The following ARHGAP44 variants were observed in gnomAD, a reference collection of about 807,000 sequenced individuals.
ARHGAP44 encodes the protein Rho GTPase activating protein 44, also known as rho GTPase-activating protein 44.
In ARHGAP44, 43 loss-of-function variants were observed where a neutral mutation model predicts 106.8. The observed-to-expected ratio is 0.40, with a 90% CI of 0.32 to 0.52. The LOEUF (loss-of-function observed/expected upper bound fraction) is 0.52. Among genes scored for constraint, ARHGAP44 ranks in the 20% least tolerant of loss-of-function variants. The pLI, the probability that ARHGAP44 is intolerant of heterozygous loss-of-function variation, is 0.48. For missense variants in ARHGAP44, 866 were observed against 1,050.5 expected, an observed-to-expected ratio of 0.82 and a Z score of 2.43; for synonymous variants, 439 against 410.3, an observed-to-expected ratio of 1.07 and a Z score of -0.85.
chr17:12,953,575 A>G (rs932009133), intron 13 of ARHGAP44, among the ~76,000 whole-genome samples: 6 of 152,246 alleles, frequency 3.9e-5, no homozygotes, highest in South Asian at 2.1e-4. Context: ...TCACACTCGT[A>G]TTCGTAGCAG....
At chr17:12,811,087 C>T (rs561968820) in intron 1 of ARHGAP44, among the ~76,000 whole-genome samples, 20 of 152,076 alleles carry the variant, frequency 1.3e-4, no homozygotes, top group Middle Eastern at 3.4e-3. Flanking sequence ...CTGAGACGGG[C>T]GGATCACGAG....
intron 10 of ARHGAP44, among the ~76,000 whole-genome samples, chr17:12,948,932 A>G (rs899468827): frequency 1.3e-5 from 2 of 152,222 alleles, no homozygotes; most frequent in African/African-American, 4.8e-5. Context: ...TGGGGACACA[A>G]CAGTGGGTAA....
chr17:12,806,823 A>G (rs536058603), intron 1 of ARHGAP44, among the ~76,000 whole-genome samples: 1 of 149,184 alleles, frequency 6.7e-6, no homozygotes, highest in East Asian at 2.0e-4. Flanking sequence ...TTATTTGAGC[A>G]TTTAGGGATT....
At chr17:12,896,072 G>T (rs1384880172) in intron 2 of ARHGAP44, among the ~76,000 whole-genome samples, 1 of 144,978 alleles carries the variant, frequency 6.9e-6, no homozygotes, top group East Asian at 2.1e-4. Context: ...TTGGACACAG[G>T]CTGGGGAACA....
chr17:12,939,916 G>T (rs187017884), intron 7 of ARHGAP44, among the ~76,000 whole-genome samples: 119 of 152,298 alleles, frequency 7.8e-4, no homozygotes, highest in African/African-American at 2.8e-3. Context: ...AAGAACTCTT[G>T]AATGATGTTC....
chr17:12,822,346 A>G (rs559067604), intron 1 of ARHGAP44, among the ~76,000 whole-genome samples: 5 of 144,136 alleles, frequency 3.5e-5, no homozygotes, highest in African/African-American at 1.4e-4. Context: ...GTGGACCATA[A>G]AAATCCAGAT....
At chr17:12,896,277 A>G (rs967445142) in intron 2 of ARHGAP44, 130 bp from the exon 3 acceptor site, 5 of 501,322 alleles carry the variant, frequency 1.0e-5, no homozygotes, top group East Asian at 8.3e-5. Flanking sequence ...CAAACAAACA[A>G]AAAAACAAAG....
At position 12,973,172 on chromosome 17, in the gene ARHGAP44, T is replaced by C. The variant is rs550004469; in HGVS notation, c.1524-130T>C. On this transcript the variant is annotated intron_variant, in intron 16 of 20. Transcript: ENST00000379672. ...GACCAACTAAATTGTAATAATTTTA[T>C]AGCACAATAAAAATCCCACCCCAAG... The C allele has an allele frequency of 1.6e-4, 138 of 877,706 alleles. 1 individual carries two copies. The African/African-American group carries it at 2.1e-3, about 13-fold the overall frequency. The allele number at this position is 877,706 out of a possible 1,614,324, so 54.4% of individuals were successfully genotyped here. A position where few individuals can be genotyped will look rare whatever the true frequency, so the allele number is the denominator to read the frequency against.
Position 12,990,137 on chromosome 17 carries a change from A to C in ARHGAP44, c.2423A>C (p.Asp808Ala), listed in dbSNP as rs2040089511. 1 of 1,612,830 alleles carries C rather than the reference A, an allele frequency of 6.2e-7. No homozygotes were observed. Among genetic ancestry groups the C allele is most frequent in the South Asian group, 1.1e-5 (1 of 91,060 alleles). Residue 808 changes from aspartate to alanine, a missense_variant, in exon 21 of 21, where the codon GAC becomes GCC. Around this residue, in one of 2 missense-constraint regions of ARHGAP44, gnomAD observed 418 missense variants for 403.6 expected, o/e 1.04. Coordinates refer to ENST00000379672, the MANE Select transcript of ARHGAP44 (RefSeq NM_014859.6). ...CGACACTCAGTAACTGACAAGAGGG[A>C]CTCGGAGGAGGAGTCTGAGAGCACC... is the stretch of plus-strand genomic sequence containing the variant. ...MRRHSVTDKRDSEEESESTAL is the reference protein window; with the variant it reads ...MRRHSVTDKRASEEESESTAL
chr17:12,972,822 C>T lies in ARHGAP44; in HGVS notation c.1524-480C>T, dbSNP rs183372567. Reference sequence around the variant, plus strand: ...GACTACAGGTGCCTGCCACCACTCCCGGCTAATTTTTTGTATTTTTAGTAG... The same window carrying T: ...GACTACAGGTGCCTGCCACCACTCCTGGCTAATTTTTTGTATTTTTAGTAG... On this transcript the variant is annotated intron_variant, in intron 16 of 20. Coordinates refer to ENST00000379672, the MANE Select transcript of ARHGAP44 (RefSeq NM_014859.6). Among the ~76,000 whole-genome samples, 300 of 151,598 alleles carry T rather than the reference C, an allele frequency of 2.0e-3. 2 individuals carry two copies. The highest frequency in any genetic ancestry group is 0.017 in the Middle Eastern group (5 of 294).
chr17:12,837,560 T>A (rs2035271525), intron 1 of ARHGAP44, among the ~76,000 whole-genome samples: 1 of 151,350 alleles, frequency 6.6e-6, no homozygotes, highest in Non-Finnish European at 1.5e-5. Flanking sequence ...GGAATTAGCC[T>A]GAGAGGAGTA....
At chr17:12,863,486 G>A (rs1165584115) in intron 1 of ARHGAP44, among the ~76,000 whole-genome samples, 1 of 152,124 alleles carries the variant, frequency 6.6e-6, no homozygotes, top group Non-Finnish European at 1.5e-5. Context: ...TTTGCTAAGT[G>A]TATTTTTATA....
intron 19 of ARHGAP44, among the ~76,000 whole-genome samples, 185 bp downstream of exon 19, chr17:12,980,418 TATTTGAC>T (rs2039803165): frequency 6.6e-6 from 1 of 152,230 alleles, no homozygotes; most frequent in Admixed American, 6.5e-5. Flanking sequence ...TCAGTTTACT[TATTTGAC>T]AGGTGGGCTC....
At chr17:12,826,250 G>A (rs1396109014) in intron 1 of ARHGAP44, among the ~76,000 whole-genome samples, 3 of 151,902 alleles carry the variant, frequency 2.0e-5, no homozygotes, top group Non-Finnish European at 4.4e-5. Context: ...TCTCTGATTG[G>A]CCCCAGTGTG....
At chr17:12,962,081 AT>A (rs974247951) in intron 16 of ARHGAP44, among the ~76,000 whole-genome samples, 26 of 126,372 alleles carry the variant, frequency 2.1e-4, no homozygotes, top group South Asian at 8.0e-4. Flanking sequence ...TTAAAAAAAA[AT>A]ATATATATAT....
At chr17:12,963,508 A>AC (rs2039313482) in intron 16 of ARHGAP44, among the ~76,000 whole-genome samples, 1 of 152,194 alleles carries the variant, frequency 6.6e-6, no homozygotes, top group African/African-American at 2.4e-5. Context: ...GGAGTCTTCA[A>AC]CCCAAGTCAG....
At chr17:12,841,029 G>A (rs934386626) in intron 1 of ARHGAP44, among the ~76,000 whole-genome samples, 6 of 152,108 alleles carry the variant, frequency 3.9e-5, no homozygotes, top group Non-Finnish European at 7.3e-5. Context: ...TTCCGTGCCC[G>A]AGGGACGTCT....
Position 12,903,862 on chromosome 17 carries a change from A to C in ARHGAP44, c.199-5035A>C, listed in dbSNP as rs768207549. 5.1e-4 allele frequency among the ~76,000 whole-genome samples: 78 copies of C among 152,170 alleles called. 1 individual carries two copies. Among genetic ancestry groups the C allele is most frequent in the Non-Finnish European group, 1.6e-4 (11 of 68,034 alleles). On this transcript the variant is annotated intron_variant, in intron 3 of 20. Coordinates refer to ENST00000379672, the MANE Select transcript of ARHGAP44 (RefSeq NM_014859.6). ...GCGACCAAAGTTTGAGGGAGAGAGC[A>C]AACAGTATCTTAGTTAGAGGCAATC...
rs564649768 is a variant in ARHGAP44, at chr17:12,932,622, T to A, written c.582+3576T>A. ...CTTCTTTAATTTTATGTTAATGTTT[T>A]AAATTCATGTTATACACCTATTTTA... On this transcript the variant is annotated intron_variant, in intron 7 of 20. Transcript: ENST00000379672. Among the ~76,000 whole-genome samples the A allele has an allele frequency of 1.6e-3, 238 of 152,316 alleles. 1 individual carries two copies. Among genetic ancestry groups the A allele is most frequent in the Non-Finnish European group, 2.9e-3 (194 of 68,032 alleles).
Sources: gnomAD v4.1 joint callset for allele counts (sites outside exome capture counted in the v4.1 genomes callset) on GRCh38, gnomAD v4.1.1 for gene constraint, gnomAD v4.1.1 regional missense constraint, MANE v1.5 for transcripts, NCBI Gene and HGNC (gene_info 2026-07-23, HGNC 2026-07-21) for gene names.